TPD52: variants seen among roughly 807,000 people sequenced by gnomAD.
The protein encoded by TPD52 is tumor protein D52.
In TPD52, 17 loss-of-function variants were observed where a neutral mutation model predicts 31.3. That is an observed-to-expected ratio of 0.54 (90% CI 0.37 to 0.82). The LOEUF is 0.82. Among genes scored for constraint, TPD52 ranks in the 40% least tolerant of loss-of-function variants. The pLI, the probability that TPD52 is intolerant of heterozygous loss-of-function variation, is 0.00. For synonymous variants in TPD52, 83 were observed against 89.6 expected (o/e 0.93, Z 0.42); for missense variants, 212 against 240.1 (o/e 0.88, Z 0.77).
chr8:80,038,331 C>G (rs925734640), intron 7 of TPD52, 96 bp from the exon 8 acceptor site: 1 of 1,247,642 alleles, frequency 8.0e-7, no homozygotes, highest in Non-Finnish European at 1.1e-6. Context: ...AGAACAAATA[C>G]ATCAGCAACC....
At chr8:80,072,784 TACACACAC>T (rs760496029) in intron 1 of TPD52, among the ~76,000 whole-genome samples, 1 of 145,146 alleles carries the variant, frequency 6.9e-6, no homozygotes, top group African/African-American at 2.8e-5. Context: ...TATATACACA[TACACACAC>T]ACACACATAT....
intron 1 of TPD52, among the ~76,000 whole-genome samples, chr8:80,073,648 G>A (rs1447944562): frequency 6.6e-6 from 1 of 152,164 alleles, no homozygotes; most frequent in Non-Finnish European, 1.5e-5. Context: ...TGGATTATAG[G>A]AAGTTATACA....
Position 80,106,054 on chromosome 8 carries a change from C to T in TPD52, c.20-41461G>A, listed in dbSNP as rs1807087395. On this transcript the variant is annotated intron_variant, in intron 1 of 7. Coordinates refer to ENST00000518937, the MANE Select transcript of TPD52 (RefSeq NM_001025253.3). Reference sequence around the variant, plus strand: ...ATGGGTTTTGCTCTGAACTTGGCAACCTAGGTAAACATGGATTTTTTTCCT... The same window carrying T: ...ATGGGTTTTGCTCTGAACTTGGCAATCTAGGTAAACATGGATTTTTTTCCT... Among the ~76,000 whole-genome samples the T allele has an allele frequency of 2.6e-5, 4 of 151,986 alleles. No homozygotes were observed. The South Asian group carries it at 8.3e-4, about 32-fold the overall frequency.
rs1339583248 is a variant in TPD52 at position 80,063,114 on chromosome 8, C to G, written c.135+1364G>C. ...TTGTTCATAAAATGTTCCTAACTCACTACCCACCATAGTCAAAAGGTGAAA... is the reference window on the plus strand; with the variant it reads ...TTGTTCATAAAATGTTCCTAACTCAGTACCCACCATAGTCAAAAGGTGAAA... On this transcript the variant is annotated intron_variant, in intron 2 of 7. Coordinates refer to ENST00000518937, the MANE Select transcript of TPD52 (RefSeq NM_001025253.3). 4.6e-5 allele frequency among the ~76,000 whole-genome samples: 7 copies of G among 152,218 alleles called. No individual in the cohort carries two copies. In the East Asian group the frequency reaches 1.3e-3, roughly 29 times the overall value.
At chr8:80,115,176 GC>G (rs1251824173) in intron 1 of TPD52, among the ~76,000 whole-genome samples, 1 of 152,084 alleles carries the variant, frequency 6.6e-6, no homozygotes, top group Non-Finnish European at 1.5e-5. Context: ...AACCACTTAG[GC>G]CCACTTTTGA....
intron 1 of TPD52, among the ~76,000 whole-genome samples, chr8:80,098,905 T>C (rs1462740884): frequency 6.6e-6 from 1 of 152,178 alleles, no homozygotes; most frequent in African/African-American, 2.4e-5. Flanking sequence ...TCAGCAGCCA[T>C]TCTCATTGAG....
chr8:80,140,755 G>A (rs370332240), intron 1 of TPD52, among the ~76,000 whole-genome samples: 9 of 152,222 alleles, frequency 5.9e-5, no homozygotes, highest in South Asian at 2.1e-4. Flanking sequence ...TAGCTGCACC[G>A]CACTCTAGGA....
intron 1 of TPD52, chr8:80,080,691 C>T (rs893793354): frequency 4.8e-5 from 58 of 1,201,406 alleles, no homozygotes; most frequent in Non-Finnish European, 5.9e-5. Context: ...TTAGGAGGGG[C>T]TCTATTCACC....
At chr8:80,065,615 T>C (rs1041783434) in intron 1 of TPD52, among the ~76,000 whole-genome samples, 1 of 152,136 alleles carries the variant, frequency 6.6e-6, no homozygotes, top group African/African-American at 2.4e-5. Context: ...CTTAATGCAG[T>C]ATTTTTTAAA....
chr8:80,136,523 CAAAAAAAAAAA>C (rs56656428), intron 1 of TPD52, among the ~76,000 whole-genome samples: 7 of 67,080 alleles, frequency 1.0e-4, no homozygotes, highest in East Asian at 1.2e-3. Flanking sequence ...GACTCTGTCT[CAAAAAAAAAAA>C]AAAAAAAAAA....
At chr8:80,079,221 C>A (rs1814952000) in intron 1 of TPD52, among the ~76,000 whole-genome samples, 1 of 152,222 alleles carries the variant, frequency 6.6e-6, no homozygotes, top group Admixed American at 6.5e-5. Context: ...GCCACTTGGG[C>A]AAGGCAAGGT....
At chr8:80,064,680 A>G in intron 1 of TPD52, 87 bp from the exon 2 acceptor site, 1 of 895,744 alleles carries the variant, frequency 1.1e-6, no homozygotes, top group South Asian at 1.4e-5. Context: ...GCCAGAATAA[A>G]GCCAATTAGA....
intron 1 of TPD52, among the ~76,000 whole-genome samples, chr8:80,135,857 T>A (rs1217290057): frequency 1.4e-5 from 2 of 140,162 alleles, no homozygotes; most frequent in African/African-American, 5.3e-5. Context: ...TTGGAAATCA[T>A]CATTCTCAGT....
chr8:80,071,559 C>T (rs1375028258), intron 1 of TPD52, among the ~76,000 whole-genome samples: 1 of 152,104 alleles, frequency 6.6e-6, no homozygotes, highest in African/African-American at 2.4e-5. Flanking sequence ...CTAGCCACGC[C>T]AAGGCCATCT....
chr8:80,159,215 A>G (rs1811194924), intron 1 of TPD52, among the ~76,000 whole-genome samples: 1 of 152,208 alleles, frequency 6.6e-6, no homozygotes, highest in Non-Finnish European at 1.5e-5. Flanking sequence ...TCAGCCTTAG[A>G]GAAGTTTAGT....
chr8:80,123,464 T>C (rs1012526019), intron 1 of TPD52, among the ~76,000 whole-genome samples: 1 of 152,318 alleles, frequency 6.6e-6, no homozygotes, highest in East Asian at 1.9e-4. Context: ...CAACAGCTTG[T>C]GCCTGTAATC....
chr8:80,136,246 C>T (rs572981542), intron 1 of TPD52, among the ~76,000 whole-genome samples: 27 of 144,526 alleles, frequency 1.9e-4, no homozygotes, highest in South Asian at 8.8e-4. Context: ...AAACAATGGC[C>T]GGGCGCGGTG....
intron 1 of TPD52, among the ~76,000 whole-genome samples, chr8:80,134,012 C>T (rs1032719578): frequency 3.9e-5 from 6 of 152,092 alleles, no homozygotes; most frequent in African/African-American, 1.4e-4. Flanking sequence ...TAATAAAAAC[C>T]ATTTTTCCAT....
intron 1 of TPD52, among the ~76,000 whole-genome samples, chr8:80,105,462 C>G (rs921979649): frequency 6.6e-6 from 1 of 152,048 alleles, no homozygotes; most frequent in African/African-American, 2.4e-5. Flanking sequence ...TCATGTACCC[C>G]CTGCTTGCTC....
Sources: gnomAD v4.1 joint callset for allele counts (sites outside exome capture counted in the v4.1 genomes callset) on GRCh38, gnomAD v4.1.1 for gene constraint, MANE v1.5 for transcripts, NCBI Gene and HGNC (gene_info 2026-07-23, HGNC 2026-07-21) for gene names.